SEMA4D: variants seen among roughly 807,000 people sequenced by gnomAD.
The protein encoded by SEMA4D is semaphorin-4D.
A neutral mutation model predicts 74.8 loss-of-function variants in SEMA4D; 22 were observed. That is an observed-to-expected ratio of 0.29 (90% CI 0.21 to 0.42). SEMA4D has a LOEUF of 0.42. Ranked by LOEUF, SEMA4D falls within the 10% of genes least tolerant of loss-of-function variation. The pLI, the probability that SEMA4D is intolerant of heterozygous loss-of-function variation, is 1.00. For missense variants in SEMA4D, 937 were observed against 1,118.4 expected, an observed-to-expected ratio of 0.84 and a Z score of 2.31; for synonymous variants, 445 against 463.7, an observed-to-expected ratio of 0.96 and a Z score of 0.52.
chr9:89,472,425 A>C, intron 1 of SEMA4D: 1 of 311,840 alleles, frequency 3.2e-6, no homozygotes, highest in Non-Finnish European at 6.3e-6. Context: ...ATGAAAGCCA[A>C]ATATACAGCC....
chr9:89,366,539 C>T (rs1833699667), intron 16 of SEMA4D, among the ~76,000 whole-genome samples: 4 of 152,308 alleles, frequency 2.6e-5, no homozygotes, highest in African/African-American at 9.6e-5. Context: ...ACTTAACACT[C>T]TATAATTTGT....
exon 19 of SEMA4D, chr9:89,362,370 T>A: frequency 6.2e-7 from 1 of 1,614,002 alleles, no homozygotes; most frequent in Non-Finnish European, 8.5e-7. Context: ...TTGTTGGGGT[T>A]GAGGTCGGTG....
intron 1 of SEMA4D, among the ~76,000 whole-genome samples, chr9:89,460,366 C>T (rs1160831394): frequency 1.3e-5 from 2 of 152,264 alleles, no homozygotes; most frequent in Non-Finnish European, 2.9e-5. Flanking sequence ...CACATGTGAT[C>T]TCATGGTCAG....
At chr9:89,446,678 G>A (rs1852947482) in intron 2 of SEMA4D, among the ~76,000 whole-genome samples, 1 of 152,166 alleles carries the variant, frequency 6.6e-6, no homozygotes, top group African/African-American at 2.4e-5. Context: ...CAGCAGGGGT[G>A]TGGGCCATCC....
chr9:89,469,069 T>C (rs1201120669), intron 1 of SEMA4D, among the ~76,000 whole-genome samples: 1 of 152,162 alleles, frequency 6.6e-6, no homozygotes, highest in Non-Finnish European at 1.5e-5. Context: ...CATATGTTAA[T>C]ACATTCCCAA....
chr9:89,443,021 C>A (rs966084965), intron 2 of SEMA4D, among the ~76,000 whole-genome samples: 1 of 152,166 alleles, frequency 6.6e-6, no homozygotes, highest in Non-Finnish European at 1.5e-5. Context: ...CAGGAGGGCC[C>A]CCTGCACCCC....
Position 89,381,494 on chromosome 9 carries a change from G to T in SEMA4D, c.1447-148C>A. On this transcript the variant is annotated intron_variant, in intron 13 of 15. Coordinates refer to ENST00000422704, the MANE Select transcript of SEMA4D (RefSeq NM_001371194.2). This position sits in a 1 kb window ranked among gnomAD's most constrained non-coding sequence, Gnocchi z 4.6. ...GGAGGAGAGGTACTCAGAACCAGAG[G>T]CAAACAAGGCAGGTCTGTGACCTTC... 1 of 721,076 alleles carries T rather than the reference G, an allele frequency of 1.4e-6. No homozygotes were observed. The highest frequency in any genetic ancestry group is 2.1e-6 in the Non-Finnish European group (1 of 467,378). 44.7% of individuals were successfully genotyped at this position (721,076 alleles called of 1,614,324 possible). A position where few individuals can be genotyped will look rare whatever the true frequency, so the allele number is the denominator to read the frequency against.
Position 89,388,859 on chromosome 9 carries a change from C to T in SEMA4D, c.950+13G>A. On this transcript the variant is annotated intron_variant, in intron 10 of 15. Coordinates refer to ENST00000422704, the MANE Select transcript of SEMA4D (RefSeq NM_001371194.2). ...AAGGGAGCAAGGAGGGGGACTCCAC[C>T]CAGGGCACTTACAGCTGTGGGGTGA... is the stretch of plus-strand genomic sequence containing the variant. The T allele has an allele frequency of 8.7e-6, 14 of 1,612,368 alleles. No homozygotes were observed. The highest frequency in any genetic ancestry group is 1.1e-5 in the Non-Finnish European group (13 of 1,178,624).
At chr9:89,443,433 T>G (rs543620917) in intron 2 of SEMA4D, among the ~76,000 whole-genome samples, 1 of 152,278 alleles carries the variant, frequency 6.6e-6, no homozygotes, top group East Asian at 1.9e-4. Flanking sequence ...TGTACCACGG[T>G]CCTGTTGTCC....
intron 1 of SEMA4D, among the ~76,000 whole-genome samples, chr9:89,488,005 T>C (rs543841045): frequency 3.9e-5 from 6 of 152,290 alleles, no homozygotes; most frequent in African/African-American, 1.4e-4. Context: ...ATCTTAAGTA[T>C]ATAAGAAAAT....
chr9:89,459,442 C>T (rs145982097), intron 1 of SEMA4D, among the ~76,000 whole-genome samples: 66 of 152,192 alleles, frequency 4.3e-4, no homozygotes, highest in Non-Finnish European at 6.8e-4. Flanking sequence ...CTCCTGAGGA[C>T]GCAAAGAAAC....
At chr9:89,459,224 T>C (rs1400752973) in intron 1 of SEMA4D, among the ~76,000 whole-genome samples, 1 of 151,896 alleles carries the variant, frequency 6.6e-6, no homozygotes, top group Non-Finnish European at 1.5e-5. Flanking sequence ...TGGGCCCCAG[T>C]TGGAGCCCCA....
chr9:89,405,028 A>AGGAAGTGGGGTCCCCATCCCG (rs1843021975), intron 3 of SEMA4D, among the ~76,000 whole-genome samples: 1 of 88,980 alleles, frequency 1.1e-5, no homozygotes, highest in African/African-American at 5.4e-5. Context: ...TCCCCATCCC[A>AGGAAGTGGGGTCCCCATCCCG]TCCTCAGCCA....
At chr9:89,390,139 C>T (rs1839497305) in intron 9 of SEMA4D, among the ~76,000 whole-genome samples, 1 of 152,200 alleles carries the variant, frequency 6.6e-6, no homozygotes, top group Non-Finnish European at 1.5e-5. Flanking sequence ...GGTAATAAGT[C>T]AAGGTCAAGG....
intron 1 of SEMA4D, among the ~76,000 whole-genome samples, chr9:89,474,703 CATGTCAGCTTCTGCCTGACAGACAT>C (rs1302305228): frequency 6.6e-6 from 1 of 152,242 alleles, no homozygotes; most frequent in Non-Finnish European, 1.5e-5. Context: ...TTGACAGACA[CATGTCAGCTTCTGCCTGACAGACAT>C]ATGTCCCTCA....
At chr9:89,454,551 T>G (rs1352659955) in intron 2 of SEMA4D, among the ~76,000 whole-genome samples, 1 of 152,130 alleles carries the variant, frequency 6.6e-6, no homozygotes, top group Admixed American at 6.5e-5. Context: ...CTCTTCTGGT[T>G]CCATCCAAGC....
intron 2 of SEMA4D, among the ~76,000 whole-genome samples, chr9:89,416,787 T>C (rs896162282): frequency 2.0e-5 from 3 of 152,236 alleles, no homozygotes; most frequent in African/African-American, 7.2e-5. Flanking sequence ...GAAGAGATTA[T>C]GTTTCACCCA....
Position 89,477,527 on chromosome 9 carries a change from G to A in SEMA4D, c.-310+20392C>T, listed in dbSNP as rs1020023472. Among the ~76,000 whole-genome samples the A allele has an allele frequency of 5.3e-5, 8 of 152,198 alleles. No individual in the cohort carries two copies. In the East Asian group the frequency reaches 1.2e-3, roughly 22 times the overall value. ...CACACACAAGGGCACACATGGCTTC[G>A]TAGCACACTGCAGAACATACACATC... On this transcript the variant is annotated intron_variant, in intron 1 of 15. Transcript: ENST00000422704.
At chr9:89,445,296 T>C (rs949357196) in intron 2 of SEMA4D, among the ~76,000 whole-genome samples, 10 of 152,172 alleles carry the variant, frequency 6.6e-5, no homozygotes, top group Non-Finnish European at 1.2e-4. Context: ...CTCCAGAGCA[T>C]GGCCAGGGTA....
Sources: allele counts gnomAD v4.1 joint callset (sites outside exome capture counted in the v4.1 genomes callset), GRCh38; gene constraint gnomAD v4.1.1; non-coding constraint Gnocchi (gnomAD v3.1); transcripts MANE v1.5; gene names NCBI Gene and HGNC (gene_info 2026-07-23, HGNC 2026-07-21).